Variants in SLC38A12 observed in about 807,000 individuals in gnomAD.
The protein encoded by SLC38A12 is putative sodium-coupled neutral amino acid transporter 12.
At chr17:74,813,565 C>T in the SLC38A12 span, among the ~76,000 whole-genome samples, 1 of 152,082 alleles carries the variant, frequency 6.6e-6, no homozygotes, top group South Asian at 2.1e-4. Context: ...TCTCAGCTTA[C>T]CACAACCTCA....
chr17:74,817,086 A>G, the SLC38A12 span, among the ~76,000 whole-genome samples: 1 of 139,776 alleles, frequency 7.2e-6, no homozygotes, highest in African/African-American at 2.7e-5. Context: ...CTCTGTCCTC[A>G]TCCTTTGTCA....
At chr17:74,799,844 T>G in the SLC38A12 span, among the ~76,000 whole-genome samples, 1 of 152,190 alleles carries the variant, frequency 6.6e-6, no homozygotes, top group African/African-American at 2.4e-5. Context: ...ATAGTACCAC[T>G]CAAGGAGAAA....
the SLC38A12 span, chr17:74,785,564 T>A: frequency 6.2e-7 from 1 of 1,614,146 alleles, no homozygotes; most frequent in Non-Finnish European, 8.5e-7. Context: ...GCCGGGTGGC[T>A]TGTCAGCCTC....
chr17:74,833,811 G>A, the SLC38A12 span, among the ~76,000 whole-genome samples: 1 of 152,224 alleles, frequency 6.6e-6, no homozygotes, highest in Non-Finnish European at 1.5e-5. Context: ...AGATGGCAGT[G>A]GCAGTGCAGG....
At chr17:74,789,964 T>G in the SLC38A12 span, among the ~76,000 whole-genome samples, 147 of 142,040 alleles carry the variant, frequency 1.0e-3, 2 homozygotes, top group Middle Eastern at 6.9e-3. Context: ...TGTTTTTTTG[T>G]TTTTTTGAGA....
the SLC38A12 span, among the ~76,000 whole-genome samples, chr17:74,812,058 CTT>C: frequency 1.2e-4 from 18 of 151,546 alleles, no homozygotes; most frequent in African/African-American, 4.4e-4. Context: ...ATAGCATTGA[CTT>C]AACATTCTTT....
the SLC38A12 span, chr17:74,839,264 T>C: frequency 7.9e-7 from 1 of 1,263,658 alleles, no homozygotes; most frequent in Non-Finnish European, 1.1e-6. Context: ...GCCACACAGC[T>C]GTCCTCACTA....
At chr17:74,838,022 A>G in the SLC38A12 span, 1 of 985,674 alleles carries the variant, frequency 1.0e-6, no homozygotes. Context: ...GCGTCTTCAG[A>G]CCTCTGACAG....
chr17:74,822,647 G>A, the SLC38A12 span, among the ~76,000 whole-genome samples: 1 of 152,366 alleles, frequency 6.6e-6, no homozygotes, highest in East Asian at 1.9e-4. Flanking sequence ...CTCCATGAGA[G>A]ACTCAGACCT....
chr17:74,789,261 G>T, the SLC38A12 span, among the ~76,000 whole-genome samples: 5 of 152,210 alleles, frequency 3.3e-5, no homozygotes, highest in Admixed American at 6.5e-5. Flanking sequence ...CCGGTGGGGG[G>T]GCTCACACCT....
chr17:74,794,172 G>A, the SLC38A12 span, among the ~76,000 whole-genome samples: 1 of 152,146 alleles, frequency 6.6e-6, no homozygotes, highest in Non-Finnish European at 1.5e-5. Context: ...AATCATTTAT[G>A]GAAGATGGCC....
At chr17:74,800,356 G>T in the SLC38A12 span, among the ~76,000 whole-genome samples, 1 of 152,190 alleles carries the variant, frequency 6.6e-6, no homozygotes, top group Non-Finnish European at 1.5e-5. Flanking sequence ...GTCTGCCCTG[G>T]TGCCCCTCAC....
the SLC38A12 span, chr17:74,791,037 G>A: frequency 6.2e-7 from 1 of 1,613,138 alleles, no homozygotes; most frequent in Admixed American, 1.7e-5. Flanking sequence ...TTCAATAAAG[G>A]TAGAAGTTCT....
At chr17:74,796,092 A>G in the SLC38A12 span, among the ~76,000 whole-genome samples, 12 of 152,214 alleles carry the variant, frequency 7.9e-5, no homozygotes, top group South Asian at 2.1e-4. Flanking sequence ...CTCTCTTCCT[A>G]TCTTCCCTCC....
the SLC38A12 span, among the ~76,000 whole-genome samples, chr17:74,781,458 T>C: frequency 2.6e-5 from 4 of 152,110 alleles, no homozygotes; most frequent in Non-Finnish European, 5.9e-5. Flanking sequence ...CTAATATTTT[T>C]ATTTTTTTGT....
At chr17:74,819,960 T>C in the SLC38A12 span, 1 of 907,572 alleles carries the variant, frequency 1.1e-6, no homozygotes, top group Admixed American at 2.0e-5. Flanking sequence ...GTGGTTTCCA[T>C]TGACTCAGGC....
chr17:74,817,345 C>G, the SLC38A12 span, among the ~76,000 whole-genome samples: 1 of 152,166 alleles, frequency 6.6e-6, no homozygotes, highest in African/African-American at 2.4e-5. Flanking sequence ...GAAAAAGAAG[C>G]CACATTCCAA....
At chr17:74,784,003 A>G in the SLC38A12 span, among the ~76,000 whole-genome samples, 2 of 151,600 alleles carry the variant, frequency 1.3e-5, no homozygotes, top group Admixed American at 6.6e-5. Flanking sequence ...CCAGGATTAC[A>G]GGCATGAGCC....
At chr17:74,782,626 A>G in the SLC38A12 span, among the ~76,000 whole-genome samples, 4 of 152,198 alleles carry the variant, frequency 2.6e-5, no homozygotes, top group Non-Finnish European at 4.4e-5. Flanking sequence ...GTCACTGTGA[A>G]AAGCCAGAAC....
Sources: allele counts gnomAD v4.1 joint callset (sites outside exome capture counted in the v4.1 genomes callset), GRCh38; gene constraint gnomAD v4.1.1; transcripts MANE v1.5; gene names NCBI Gene and HGNC (gene_info 2026-07-23, HGNC 2026-07-21).